PCDHA6: variants seen among roughly 807,000 people sequenced by gnomAD.
PCDHA6 encodes protocadherin alpha-6.
In PCDHA6, 55 loss-of-function variants were observed where a neutral mutation model predicts 60.3. The observed-to-expected ratio is 0.91, with a 90% CI of 0.73 to 1.14. The LOEUF is 1.14. Ranked by LOEUF, PCDHA6 falls within the 50% of genes most tolerant of loss-of-function variation. The probability of loss-of-function intolerance (pLI) is 0.00; values close to 1 mark genes in which losing one functional copy is unlikely to be tolerated. For synonymous variants in PCDHA6, 652 were observed against 557.9 expected, an observed-to-expected ratio of 1.17 and a Z score of -2.38; for missense variants, 1,327 against 1,256.5, an observed-to-expected ratio of 1.06 and a Z score of -0.85.
chr5:140,836,907 C>A, intron 1 of PCDHA6: 1 of 583,884 alleles, frequency 1.7e-6, no homozygotes, highest in Non-Finnish European at 2.8e-6. Flanking sequence ...GTTTAATATA[C>A]ACTTTTGTTT....
intron 1 of PCDHA6, chr5:140,884,340 C>G (rs1480799859): frequency 1.2e-6 from 2 of 1,613,772 alleles, no homozygotes; most frequent in South Asian, 1.1e-5. Flanking sequence ...GGTCCAGAAG[C>G]GGCGCTGGTG....
At chr5:140,919,254 T>A (rs1554198989) in intron 1 of PCDHA6, among the ~76,000 whole-genome samples, 1 of 152,266 alleles carries the variant, frequency 6.6e-6, no homozygotes. Context: ...CTGTTTTGTC[T>A]GATATTAGTG....
chr5:140,844,571 T>G (rs1416812482), intron 1 of PCDHA6, among the ~76,000 whole-genome samples: 1 of 149,562 alleles, frequency 6.7e-6, no homozygotes, highest in Non-Finnish European at 1.5e-5. Context: ...TTCAATAATA[T>G]TCCACATTAA....
rs952231570 is a variant in PCDHA6 at position 140,897,305 on chromosome 5, G to C, written c.2394+66820G>C. Among the ~76,000 whole-genome samples the C allele has an allele frequency of 1.9e-3, 284 of 150,706 alleles. 1 individual carries two copies. Among genetic ancestry groups the C allele is most frequent in the African/African-American group, 6.8e-3 (278 of 41,056 alleles). On this transcript the variant is annotated intron_variant, in intron 1 of 3. Coordinates refer to ENST00000529310, the MANE Select transcript of PCDHA6 (RefSeq NM_018909.4). ...CCATTAACTCGTCATTTAGCATTAG[G>C]TATATCTCCTAAAGCTATCCCTCCC...
chr5:140,870,695 A>C, intron 1 of PCDHA6: 1 of 1,613,024 alleles, frequency 6.2e-7, no homozygotes, highest in East Asian at 2.2e-5. Context: ...GAGCTGCTAC[A>C]GTTCCAGGTG....
chr5:140,922,581 C>T (rs893700923), intron 1 of PCDHA6, among the ~76,000 whole-genome samples: 2 of 152,104 alleles, frequency 1.3e-5, no homozygotes, highest in Non-Finnish European at 2.9e-5. Context: ...GCCCTGTAGC[C>T]GCCAGTTCTC....
In PCDHA6 at chr5:140,843,704, C is replaced by T. The variant is rs930917896; in HGVS notation, c.2394+13219C>T. On this transcript the variant is annotated intron_variant, in intron 1 of 3. Transcript: ENST00000529310. ...CGAAGAGCAAGATTTAAATGTTGAT[C>T]ATGGCCTCAAAGTAAGTCCATTTAA... The T allele has an allele frequency of 1.2e-5, 19 of 1,580,086 alleles. 1 individual carries two copies. The highest frequency in any genetic ancestry group is 1.7e-5 in the Non-Finnish European group (19 of 1,151,352).
intron 1 of PCDHA6, chr5:140,869,761 C>T (rs782673770): frequency 6.2e-7 from 1 of 1,613,150 alleles, no homozygotes; most frequent in Non-Finnish European, 8.5e-7. Context: ...CGGGGGAAAA[C>T]CAGAGCTTAC....
rs368920437 is a variant in PCDHA6, at chr5:140,857,660, G to T, written c.2394+27175G>T. On this transcript the variant is annotated intron_variant, in intron 1 of 3. Coordinates refer to ENST00000529310, the MANE Select transcript of PCDHA6 (RefSeq NM_018909.4). ...GCTACAGTTCCAGGTGAGCGCGCGC[G>T]ATGGGGGCGTGCCGCCTCTGGGCAG... is the stretch of plus-strand genomic sequence containing the variant. 1.2e-5 allele frequency: 19 copies of T among 1,596,850 alleles called. 2 individuals are homozygous for T. In the East Asian group the frequency reaches 1.3e-4, roughly 11 times the overall value.
At chr5:140,945,935 G>T (rs2093863887) in intron 1 of PCDHA6, among the ~76,000 whole-genome samples, 1 of 151,964 alleles carries the variant, frequency 6.6e-6, no homozygotes, top group Admixed American at 6.6e-5. Flanking sequence ...GAGCAATGAT[G>T]TTTTTTATAT....
intron 1 of PCDHA6, chr5:140,843,183 C>T: frequency 6.3e-7 from 1 of 1,596,024 alleles, no homozygotes; most frequent in Non-Finnish European, 8.6e-7. Context: ...CCTCGCATCC[C>T]GTTCCGCGTG....
intron 1 of PCDHA6, 166 bp from the exon 2 acceptor site, chr5:140,978,783 A>G: frequency 1.0e-6 from 1 of 972,136 alleles, no homozygotes. Context: ...TTTCTTCTAA[A>G]GTGCTATATA....
At chr5:140,969,091 G>A (rs1554231442) in intron 1 of PCDHA6, 3 of 1,614,152 alleles carry the variant, frequency 1.9e-6, no homozygotes, top group Admixed American at 1.7e-5. Context: ...TCAAAGTGCA[G>A]CCTCACTTCA....
Position 140,873,289 on chromosome 5 carries a change from C to T in PCDHA6, c.2394+42804C>T, listed in dbSNP as rs542998877. On this transcript the variant is annotated intron_variant, in intron 1 of 3. Transcript: ENST00000529310. ...TTAAACCATCATACCACTTATGAAA[C>T]TTTATAAATATAATAAAGGTGAATA... Among the ~76,000 whole-genome samples, 19 of 152,188 alleles carry T rather than the reference C, an allele frequency of 1.2e-4. No homozygotes were observed. In the South Asian group the frequency reaches 3.7e-3, roughly 30 times the overall value.
chr5:140,881,282 G>A, intron 1 of PCDHA6: 1 of 795,028 alleles, frequency 1.3e-6, no homozygotes, highest in Non-Finnish European at 1.5e-6. Context: ...GTAAGATGGA[G>A]AGAGAAAATG....
At chr5:140,926,529 A>T in intron 1 of PCDHA6, 1 of 209,686 alleles carries the variant, frequency 4.8e-6, no homozygotes, top group Admixed American at 5.9e-5. Context: ...CTGCGCCCGC[A>T]GCCAGCGTGG....
Position 140,931,003 on chromosome 5 carries a change from A to G in PCDHA6, c.2395-47946A>G, listed in dbSNP as rs2087240942. On this transcript the variant is annotated intron_variant, in intron 1 of 3. Coordinates refer to ENST00000529310, the MANE Select transcript of PCDHA6 (RefSeq NM_018909.4). The stretch of plus-strand genomic sequence containing the variant: ...CTTCCTCATGACCTACACTAATAAC[A>G]TAACAGAGGAATTTTCTGATTGTAG... Among the ~76,000 whole-genome samples the G allele has an allele frequency of 2.0e-5, 3 of 152,232 alleles. No homozygotes were observed. The South Asian group carries it at 6.2e-4, about 32-fold the overall frequency.
At chr5:140,867,118 T>G (rs2049765139) in intron 1 of PCDHA6, 1 of 152,172 alleles carries the variant, frequency 6.6e-6, no homozygotes, top group Non-Finnish European at 1.5e-5. Context: ...CATATTGTTT[T>G]AATTCAAATA....
intron 1 of PCDHA6, chr5:140,852,892 T>C: frequency 1.1e-6 from 1 of 911,000 alleles, no homozygotes; most frequent in Non-Finnish European, 1.3e-6. Context: ...CGTATTTTTT[T>C]TTTTGAGTCA....
Sources: allele counts gnomAD v4.1 joint callset (sites outside exome capture counted in the v4.1 genomes callset), GRCh38; gene constraint gnomAD v4.1.1; transcripts MANE v1.5; gene names NCBI Gene and HGNC (gene_info 2026-07-23, HGNC 2026-07-21).